Variants in NCAPD2 observed in about 807,000 individuals in gnomAD.
NCAPD2 encodes the protein non-SMC condensin I complex subunit D2.
In NCAPD2, 100 loss-of-function variants were observed where a neutral mutation model predicts 164.5. The observed-to-expected ratio is 0.61, with a 90% confidence interval of 0.52 to 0.72. The LOEUF (loss-of-function observed/expected upper bound fraction) is 0.72. NCAPD2 is among the 30% of genes least tolerant of loss of function. NCAPD2 has a pLI of 0.00. For synonymous variants in NCAPD2, 585 were observed against 642.6 expected, an observed-to-expected ratio of 0.91 and a Z score of 1.36; for missense variants, 1,560 against 1,749.2, an observed-to-expected ratio of 0.89 and a Z score of 1.93.
At position 6,511,101 on chromosome 12, in the gene NCAPD2, C is replaced by G. The variant is rs771132145; in HGVS notation, c.445-9C>G. The G allele has an allele frequency of 2.3e-5, 37 of 1,613,114 alleles. No homozygotes were observed. Among genetic ancestry groups the G allele is most frequent in the Non-Finnish European group, 3.1e-5 (37 of 1,179,712 alleles). ...ATTTTTTCCTCAATGTATACATGAT[C>G]CTTTTTAGGGTAAGAAAGCTCGGAC... On this transcript the variant is annotated splice_polypyrimidine_tract_variant and intron_variant, in intron 5 of 31. Coordinates refer to ENST00000315579, the MANE Select transcript of NCAPD2 (RefSeq NM_014865.4).
intron 6 of NCAPD2, 139 bp from the exon 7 acceptor site, chr12:6,514,126 A>C: frequency 8.3e-7 from 1 of 1,207,882 alleles, no homozygotes; most frequent in Non-Finnish European, 1.2e-6. Context: ...AAAGCAAAGC[A>C]ACTTGTTATA....
At chr12:6,521,428 TCCTAACACTTTGG>T (rs1217913533) in intron 14 of NCAPD2, among the ~76,000 whole-genome samples, 1 of 152,234 alleles carries the variant, frequency 6.6e-6, no homozygotes, top group Non-Finnish European at 1.5e-5. Context: ...ATGCCTGTAA[TCCTAACACTTTGG>T]GAGGCCAAGG....
Position 6,526,339 on chromosome 12 carries a change from T to C in NCAPD2, c.2534T>C (p.Leu845Ser). The C allele has an allele frequency of 6.2e-7, 1 of 1,614,060 alleles. No individual in the cohort carries two copies. Among genetic ancestry groups the C allele is most frequent in the Non-Finnish European group, 8.5e-7 (1 of 1,179,980 alleles). The change falls in exon 20 of 32, where the codon TTG becomes TCG. Residue 845 changes from leucine (L) to serine (S), a missense_variant. By Grantham distance (145) the Leu-to-Ser change is moderately radical (BLOSUM62 -2). Coordinates refer to ENST00000315579, the MANE Select transcript of NCAPD2 (RefSeq NM_014865.4). ...PPFRLPQEHR[L>S]FERLRETVTK... ...TTCCGGCTGCCTCAGGAACACAGGTTGTTTGAGCGACTGCGGGAGACAGTC... is the reference window on the plus strand; with the variant it reads ...TTCCGGCTGCCTCAGGAACACAGGTCGTTTGAGCGACTGCGGGAGACAGTC...
Position 6,531,167 on chromosome 12 carries a change from T to G in NCAPD2, c.4120+91T>G. The stretch of plus-strand genomic sequence containing the variant: ...ATAGGACCTGCTGCGGGGGCCTGAG[T>G]GTAGATGCTCTGCCCCACTGCCGCA... On this transcript the variant is annotated intron_variant, in intron 31 of 31. Transcript: ENST00000315579. The surrounding 1 kb of genome is among the most constrained non-coding windows in gnomAD (Gnocchi z 4.1). 1.3e-6 allele frequency: 2 copies of G among 1,547,024 alleles called. No individual in the cohort carries two copies. The highest frequency in any genetic ancestry group is 1.8e-6 in the Non-Finnish European group (2 of 1,130,870).
chr12:6,519,403 CAGT>C (rs1946243666), intron 13 of NCAPD2, among the ~76,000 whole-genome samples: 1 of 152,168 alleles, frequency 6.6e-6, no homozygotes. Context: ...GGCTGGAGTA[CAGT>C]AGCGCAATCA....
At position 6,495,078 on chromosome 12, in the gene NCAPD2, C is replaced by G; in HGVS notation, c.-21C>G. The G allele has an allele frequency of 6.2e-7, 1 of 1,613,832 alleles. No homozygotes were observed. The highest frequency in any genetic ancestry group is 8.5e-7 in the Non-Finnish European group (1 of 1,179,828). On this transcript the variant is annotated splice_region_variant and 5_prime_UTR_variant, in exon 2 of 32. Transcript: ENST00000315579. ...CTTTTTCACTGTTTGGTTTCTAGCC[C>G]TGTGAGCCTGTAGGAGTAGAATGGC... is the stretch of plus-strand genomic sequence containing the variant.
At chr12:6,510,443 G>A in intron 4 of NCAPD2, 186 bp from the exon 5 acceptor site, 1 of 803,878 alleles carries the variant, frequency 1.2e-6, no homozygotes, top group Non-Finnish European at 2.2e-6. Flanking sequence ...TGGAGTGAGA[G>A]AGTAGGAACA....
Position 6,530,970 on chromosome 12 carries a change from C to A in NCAPD2, c.4014C>A (p.Val1338=), listed in dbSNP as rs776492212. The A allele has an allele frequency of 1.2e-6, 2 of 1,614,070 alleles. No homozygotes were observed. ...LASTASDNDF[V]TPEPRRTTRR... is the part of the protein sequence containing the mutation. ...CTACAGCCTCAGACAATGACTTTGT[C>A]ACACCAGAGCCCCGCCGTACTACCC... The change falls in exon 31 of 32, where the codon GTC becomes GTA. Residue 1338 remains valine (V), a synonymous_variant. Coordinates refer to ENST00000315579, the MANE Select transcript of NCAPD2 (RefSeq NM_014865.4).
In NCAPD2 at chr12:6,500,802, A is replaced by G. The variant is rs149371388; in HGVS notation, c.127+5577A>G. The stretch of plus-strand genomic sequence containing the variant: ...ATTGGGTTTTGAGCATGGGAGTGAC[A>G]TGGTCTGACATTTTAAAAGATTCAC... On this transcript the variant is annotated intron_variant, in intron 2 of 31. Coordinates refer to ENST00000315579, the MANE Select transcript of NCAPD2 (RefSeq NM_014865.4). Among the ~76,000 whole-genome samples, 837 of 152,266 alleles carry G rather than the reference A, an allele frequency of 5.5e-3. 9 individuals are homozygous for G. The highest frequency in any genetic ancestry group is 0.019 in the African/African-American group (786 of 41,544).
At chr12:6,512,019 C>T (rs1230156145) in intron 6 of NCAPD2, among the ~76,000 whole-genome samples, 2 of 151,588 alleles carry the variant, frequency 1.3e-5, no homozygotes, top group Admixed American at 6.6e-5. Context: ...CGGTGGCTCA[C>T]GCCTGTAATC....
At chr12:6,508,785 T>G (rs1946120206) in intron 2 of NCAPD2, among the ~76,000 whole-genome samples, 1 of 152,222 alleles carries the variant, frequency 6.6e-6, no homozygotes, top group Admixed American at 6.5e-5. Flanking sequence ...TACGAAGTGA[T>G]CAAAGTTAAC....
intron 5 of NCAPD2, 132 bp downstream of exon 5, chr12:6,510,942 T>C: frequency 1.5e-6 from 2 of 1,313,040 alleles, no homozygotes; most frequent in Non-Finnish European, 1.1e-6. Context: ...AACTCAAAAG[T>C]GTCACACGTT....
chr12:6,524,420 A>T (rs1048586509), intron 17 of NCAPD2, among the ~76,000 whole-genome samples: 16 of 152,062 alleles, frequency 1.1e-4, no homozygotes, highest in Non-Finnish European at 2.1e-4. Flanking sequence ...GCAGCAGATT[A>T]CCTGAGGTCT....
At position 6,494,333 on chromosome 12, in the gene NCAPD2, CGCAACGGAAGA is replaced by C. The variant is rs1432323669; in HGVS notation, c.-24+180_-24+190del. Among the ~76,000 whole-genome samples, 428 of 51,652 alleles carry C rather than the reference CGCAACGGAAGA, an allele frequency of 8.3e-3. 4 individuals are homozygous for C. Among genetic ancestry groups the C allele is most frequent in the African/African-American group, 0.048 (414 of 8,562 alleles). The allele number at this position is 51,652 out of a possible 152,430, so 33.9% of individuals were successfully genotyped here. The stretch of plus-strand genomic sequence containing the variant: ...TGTTAAGCAAATCGCTTAACAGATC[CGCAACGGAAGA>C]TGTTAAGCAAATCGCTTAACAGATC... On this transcript the variant is annotated intron_variant, in intron 1 of 31. Transcript: ENST00000315579.
rs933073123 is a variant in NCAPD2 at position 6,531,146 on chromosome 12, G to C, written c.4120+70G>C. 6.3e-6 allele frequency: 10 copies of C among 1,589,964 alleles called. No individual in the cohort carries two copies. Among genetic ancestry groups the C allele is most frequent in the Non-Finnish European group, 8.6e-6 (10 of 1,164,702 alleles). ...GGGTGCAGAGGGCTGGTTTCCATAG[G>C]ACCTGCTGCGGGGGCCTGAGTGTAG... is the stretch of plus-strand genomic sequence containing the variant. On this transcript the variant is annotated intron_variant, in intron 31 of 31. Transcript: ENST00000315579. This position sits in a 1 kb window ranked among gnomAD's most constrained non-coding sequence, Gnocchi z 4.1.
intron 2 of NCAPD2, among the ~76,000 whole-genome samples, chr12:6,496,059 CTTT>C (rs11423649): frequency 7.3e-5 from 10 of 136,540 alleles, no homozygotes; most frequent in Admixed American, 7.5e-5. Context: ...TTTTGTTTTT[CTTT>C]TTTTTTTTTT....
At chr12:6,510,854 A>T in intron 5 of NCAPD2, 44 bp downstream of exon 5, 1 of 1,576,924 alleles carries the variant, frequency 6.3e-7, no homozygotes, top group Non-Finnish European at 8.7e-7. Flanking sequence ...GTCTGGGGAG[A>T]TAGGGGAATA....
At chr12:6,517,335 A>C in intron 10 of NCAPD2, 30 bp from the exon 11 acceptor site, 1 of 1,608,228 alleles carries the variant, frequency 6.2e-7, no homozygotes, top group Non-Finnish European at 8.5e-7. Context: ...GTGGGACTTG[A>C]GCAGATTCTT....
At chr12:6,520,943 CA>C (rs1258114241) in intron 13 of NCAPD2, 42 bp from the exon 14 acceptor site, 2 of 1,611,954 alleles carry the variant, frequency 1.2e-6, no homozygotes, top group Non-Finnish European at 1.7e-6. Context: ...CAAACGGCTG[CA>C]GTGACATTCT....
Sources: allele counts gnomAD v4.1 joint callset (sites outside exome capture counted in the v4.1 genomes callset), GRCh38; gene constraint gnomAD v4.1.1; non-coding constraint Gnocchi (gnomAD v3.1); transcripts MANE v1.5; gene names NCBI Gene and HGNC (gene_info 2026-07-23, HGNC 2026-07-21).